The following DLG2 variants were observed in gnomAD, a reference collection of about 807,000 sequenced individuals.
The protein encoded by DLG2 is discs large MAGUK scaffold protein 2.
In DLG2, 45 loss-of-function variants were observed where a neutral mutation model predicts 132.5. The observed-to-expected ratio is 0.34, with a 90% CI of 0.27 to 0.44. The LOEUF (loss-of-function observed/expected upper bound fraction) is 0.44. DLG2 is among the 20% of genes least tolerant of loss of function. The pLI is 1.00. For synonymous variants in DLG2, 424 were observed against 419.6 expected, an observed-to-expected ratio of 1.01 and a Z score of -0.13; for missense variants, 1,045 against 1,196.9, an observed-to-expected ratio of 0.87 and a Z score of 1.87.
chr11:85,398,913 C>T (rs2087719027), intron 3 of DLG2, among the ~76,000 whole-genome samples: 3 of 151,800 alleles, frequency 2.0e-5, no homozygotes, highest in Admixed American at 2.0e-4. Flanking sequence ...GGAATTCCAA[C>T]ACTATGTTCT....
At chr11:83,872,278 T>G (rs7939920) in intron 16 of DLG2, among the ~76,000 whole-genome samples, 3,152 of 152,178 alleles carry the variant, frequency 0.021, 92 homozygotes, top group South Asian at 0.073. Context: ...AATTGGCGAG[T>G]TGTATACTAT....
intron 7 of DLG2, among the ~76,000 whole-genome samples, chr11:84,509,015 G>C (rs10898248): frequency 0.089 from 13,619 of 152,252 alleles, 750 homozygotes; most frequent in South Asian, 0.18. Context: ...ACATAGCTGA[G>C]CGCAAACACA....
At chr11:84,633,171 T>A (rs946967313) in intron 6 of DLG2, among the ~76,000 whole-genome samples, 3 of 152,208 alleles carry the variant, frequency 2.0e-5, no homozygotes, top group Non-Finnish European at 2.9e-5. Flanking sequence ...TATTTCCCTG[T>A]TTGAAACTCT....
intron 6 of DLG2, among the ~76,000 whole-genome samples, chr11:84,743,106 C>T (rs1486729343): frequency 1.3e-5 from 2 of 152,120 alleles, no homozygotes; most frequent in Non-Finnish European, 2.9e-5. Flanking sequence ...AAGTTGTAAA[C>T]ACAGTACAGA....
intron 6 of DLG2, among the ~76,000 whole-genome samples, chr11:84,578,356 A>C (rs968635226): frequency 2.6e-5 from 4 of 151,818 alleles, no homozygotes; most frequent in Non-Finnish European, 4.4e-5. Flanking sequence ...AGCCTCAGAC[A>C]CTCAATGCCA....
chr11:84,704,602 G>A (rs990108954), intron 6 of DLG2, among the ~76,000 whole-genome samples: 1 of 151,340 alleles, frequency 6.6e-6, no homozygotes, highest in Non-Finnish European at 1.5e-5. Context: ...GGCCCTCATG[G>A]AGTATACAAC....
At chr11:84,574,959 C>T (rs574856963) in intron 6 of DLG2, among the ~76,000 whole-genome samples, 1 of 152,086 alleles carries the variant, frequency 6.6e-6, no homozygotes, top group African/African-American at 2.4e-5. Flanking sequence ...GTCAATATGT[C>T]TTTGAGATCA....
chr11:84,918,581 G>C (rs2092606204), intron 6 of DLG2, among the ~76,000 whole-genome samples: 1 of 152,152 alleles, frequency 6.6e-6, no homozygotes, highest in African/African-American at 2.4e-5. Flanking sequence ...GTGAAAATTA[G>C]CATGATAAAT....
At chr11:85,485,634 AT>A (rs1188195825) in intron 3 of DLG2, among the ~76,000 whole-genome samples, 1 of 152,136 alleles carries the variant, frequency 6.6e-6, no homozygotes, top group Non-Finnish European at 1.5e-5. Flanking sequence ...AAGCTCCTGG[AT>A]GCAGGGAAAG....
At chr11:85,166,264 G>A (rs569114898) in intron 4 of DLG2, among the ~76,000 whole-genome samples, 17 of 151,682 alleles carry the variant, frequency 1.1e-4, no homozygotes, top group South Asian at 1.0e-3. Context: ...TCCTTTTATC[G>A]CTTCTCTCAC....
intron 6 of DLG2, among the ~76,000 whole-genome samples, chr11:85,028,290 G>C (rs1370018981): frequency 6.6e-6 from 1 of 152,120 alleles, no homozygotes; most frequent in East Asian, 1.9e-4. Flanking sequence ...GTGCGGATTG[G>C]TCCATGGGCA....
rs35909949 is a variant in DLG2 at position 85,202,145 on chromosome 11, T to TA, written c.187-47495dup. On this transcript the variant is annotated intron_variant, in intron 4 of 27. Coordinates refer to ENST00000376104, the MANE Select transcript of DLG2 (RefSeq NM_001142699.3). ...AAAAGCAATGTGATAAAAAGCTTAT[T>TA]AAAAAAAAAAACCCAAAACTTTGCA... Among the ~76,000 whole-genome samples the TA allele has an allele frequency of 1.9e-3, 264 of 141,844 alleles. 1 individual carries two copies. Among genetic ancestry groups the TA allele is most frequent in the African/African-American group, 5.3e-3 (202 of 38,454 alleles). 93.1% of individuals were successfully genotyped at this position (141,844 alleles called of 152,430 possible).
intron 7 of DLG2, among the ~76,000 whole-genome samples, chr11:84,355,023 T>C (rs1650405405): frequency 6.6e-6 from 1 of 152,082 alleles, no homozygotes; most frequent in South Asian, 2.1e-4. Flanking sequence ...CAAGGTAATG[T>C]CTTATGGGAA....
intron 16 of DLG2, among the ~76,000 whole-genome samples, chr11:83,861,247 T>A (rs1025503720): frequency 6.6e-6 from 1 of 152,156 alleles, no homozygotes; most frequent in Non-Finnish European, 1.5e-5. Flanking sequence ...GGTGAGGATA[T>A]AGAGAAAAGG....
intron 6 of DLG2, among the ~76,000 whole-genome samples, chr11:85,082,601 T>G (rs117346561): frequency 4.6e-5 from 7 of 152,198 alleles, no homozygotes; most frequent in Non-Finnish European, 7.4e-5. Context: ...TTCTCTTGAT[T>G]GTTTTTTCAC....
intron 6 of DLG2, among the ~76,000 whole-genome samples, chr11:84,747,242 ATTTT>A (rs1157296001): frequency 3.3e-5 from 5 of 152,052 alleles, no homozygotes; most frequent in Non-Finnish European, 5.9e-5. Context: ...CCCTTTTTTA[ATTTT>A]TTTATTAGAA....
intron 7 of DLG2, among the ~76,000 whole-genome samples, chr11:84,293,954 CT>C: frequency 6.6e-6 from 1 of 152,204 alleles, no homozygotes; most frequent in Non-Finnish European, 1.5e-5. Context: ...CTAACGCCAT[CT>C]TTCCTTCCCT....
intron 22 of DLG2, among the ~76,000 whole-genome samples, chr11:83,473,704 A>G (rs934200429): frequency 6.6e-6 from 1 of 152,038 alleles, no homozygotes; most frequent in African/African-American, 2.4e-5. Flanking sequence ...GAAGTGGAAT[A>G]TGAGGTAACT....
chr11:83,838,367 T>C (rs2056771830), intron 16 of DLG2, among the ~76,000 whole-genome samples: 1 of 152,148 alleles, frequency 6.6e-6, no homozygotes, highest in East Asian at 1.9e-4. Flanking sequence ...GTAAAATAAA[T>C]AACCTGATGA....
Sources: allele counts gnomAD v4.1 joint callset (sites outside exome capture counted in the v4.1 genomes callset), GRCh38; gene constraint gnomAD v4.1.1; transcripts MANE v1.5; gene names NCBI Gene and HGNC (gene_info 2026-07-23, HGNC 2026-07-21).